IGSF9B: variants seen among roughly 807,000 people sequenced by gnomAD.
The protein encoded by IGSF9B is immunoglobulin superfamily member 9B.
IGSF9B carries 48 observed loss-of-function variants against 143.7 expected under a neutral mutation model. That is an observed-to-expected ratio of 0.33 (90% CI 0.26 to 0.42). The LOEUF is 0.42. Among genes scored for constraint, IGSF9B ranks in the 20% least tolerant of loss-of-function variants. IGSF9B has a pLI of 1.00. For synonymous variants in IGSF9B, 903 were observed against 833.1 expected, an observed-to-expected ratio of 1.08 and a Z score of -1.44; for missense variants, 1,706 against 1,980.0, an observed-to-expected ratio of 0.86 and a Z score of 2.63.
chr11:133,935,916 A>G, intron 6 of IGSF9B, 137 bp downstream of exon 6: 1 of 1,381,228 alleles, frequency 7.2e-7, no homozygotes, highest in Non-Finnish European at 9.8e-7. Flanking sequence ...TTGGCATGTG[A>G]GACACACGGA....
intron 7 of IGSF9B, among the ~76,000 whole-genome samples, chr11:133,933,291 T>C (rs1170059338): frequency 6.6e-6 from 1 of 152,020 alleles, no homozygotes; most frequent in East Asian, 1.9e-4. Flanking sequence ...CAGCTCCTTA[T>C]CCCAAAGTCT....
intron 1 of IGSF9B, among the ~76,000 whole-genome samples, chr11:133,947,944 A>G (rs971652511): frequency 6.0e-5 from 9 of 150,108 alleles, no homozygotes; most frequent in African/African-American, 2.2e-4. Flanking sequence ...CTGCTCCTTC[A>G]CCATGTCTTT....
At chr11:133,946,288 A>C in intron 1 of IGSF9B, 30 bp from the exon 2 acceptor site, 1 of 1,597,196 alleles carries the variant, frequency 6.3e-7, no homozygotes, top group Non-Finnish European at 8.6e-7. Flanking sequence ...TGGACACAGA[A>C]AGGAGGTGAC....
At chr11:133,926,888 C>A in intron 13 of IGSF9B, 28 bp downstream of exon 13, 2 of 1,548,332 alleles carry the variant, frequency 1.3e-6, no homozygotes, top group Non-Finnish European at 1.8e-6. Flanking sequence ...ACAACCCCCG[C>A]TCCCAACATC....
At position 133,906,991 on chromosome 11, in the gene IGSF9B, A is replaced by G. The variant is rs1191413035; in HGVS notation, c.*2078T>C. ...GAGGGTGTGCTACCTGGAAAAAAGA[A>G]CACAAAGAGTTGTGTGCTCTTCCAT... On this transcript the variant is annotated 3_prime_UTR_variant, in exon 20 of 20. Transcript: ENST00000533871. 1.3e-5 allele frequency among the ~76,000 whole-genome samples: 2 copies of G among 152,278 alleles called. No homozygotes were observed. The highest frequency in any genetic ancestry group is 1.9e-4 in the East Asian group (1 of 5,174).
Position 133,951,169 on chromosome 11 carries a change from C to T in IGSF9B, c.65-4911G>A, listed in dbSNP as rs184445973. The stretch of plus-strand genomic sequence containing the variant: ...AAGCACAGCGAACACCCAGAAAGGA[C>T]GAGGCGGCGGGGGAGAGACCTGGTC... On this transcript the variant is annotated intron_variant, in intron 1 of 19. Transcript: ENST00000533871. 2.0e-4 allele frequency among the ~76,000 whole-genome samples: 31 copies of T among 152,244 alleles called. No individual in the cohort carries two copies. In the East Asian group the frequency reaches 4.5e-3, roughly 22 times the overall value.
intron 4 of IGSF9B, 66 bp downstream of exon 4, chr11:133,937,744 G>A (rs1180750323): frequency 3.9e-6 from 6 of 1,545,182 alleles, no homozygotes; most frequent in Non-Finnish European, 4.4e-6. Context: ...GTCGGCTGCA[G>A]TAGGAGGCTG....
chr11:133,956,315 C>T (rs996008792), intron 1 of IGSF9B, among the ~76,000 whole-genome samples: 2 of 152,162 alleles, frequency 1.3e-5, no homozygotes, highest in Non-Finnish European at 2.9e-5. Context: ...ACCGCAAACT[C>T]CCGCAGCCAG....
Position 133,925,806 on chromosome 11 carries a change from C to G in IGSF9B, c.1967G>C (p.Arg656Pro). 1 of 1,613,894 alleles carries G rather than the reference C, an allele frequency of 6.2e-7. No individual in the cohort carries two copies. ...RYIMEFRVAE[R>P]WELLDDGIPG... is the part of the protein sequence containing the mutation. ...GATGCCATCGTCGAGCAACTCCCAG[C>G]GCTCTGCGACACGGAACTCCATGAT... The change falls in exon 14 of 20, where the codon CGC becomes CCC. Residue 656 changes from arginine to proline, a missense_variant. This residue lies in a region of IGSF9B where 267 missense variants were observed against 321.1 expected (regional missense o/e 0.83). Coordinates refer to ENST00000533871, the MANE Select transcript of IGSF9B (RefSeq NM_001277285.4).
chr11:133,927,735 C>A (rs193065654), intron 12 of IGSF9B, among the ~76,000 whole-genome samples: 124 of 152,302 alleles, frequency 8.1e-4, no homozygotes, highest in Middle Eastern at 3.4e-3. Flanking sequence ...AGGCTCCCAA[C>A]TCCCAGCAAA....
chr11:133,936,094 G>A lies in IGSF9B; in HGVS notation c.780C>T (p.Thr260=), dbSNP rs772892863. 1 of 1,613,726 alleles carries A rather than the reference G, an allele frequency of 6.2e-7. No individual in the cohort carries two copies. Among genetic ancestry groups the A allele is most frequent in the Non-Finnish European group, 8.5e-7 (1 of 1,179,770 alleles). ...CRAEAYPGNL[T]YTWYWQDENV... is the part of the protein sequence containing the mutation. ...TCTCGTCCTGCCAGTACCAGGTGTAGGTGAGGTTGCCCGGATACGCCTCTG... is the reference window on the plus strand; with the variant it reads ...TCTCGTCCTGCCAGTACCAGGTGTAAGTGAGGTTGCCCGGATACGCCTCTG... The change falls in exon 6 of 20, where the codon ACC becomes ACT. Residue 260 remains threonine, a synonymous_variant. Transcript: ENST00000533871.
rs1298113501 is a variant in IGSF9B at position 133,903,463 on chromosome 11, C to G, written c.*5606G>C. Among the ~76,000 whole-genome samples, 2 of 152,178 alleles carry G rather than the reference C, an allele frequency of 1.3e-5. No homozygotes were observed. The highest frequency in any genetic ancestry group is 2.9e-5 in the Non-Finnish European group (2 of 68,030). ...GTCTTCTACACCGCAGAAGACAACA[C>G]CCATGTGATTTTAATGACTGGCCAC... On this transcript the variant is annotated 3_prime_UTR_variant, in exon 20 of 20. Coordinates refer to ENST00000533871, the MANE Select transcript of IGSF9B (RefSeq NM_001277285.4).
chr11:133,953,754 G>A lies in IGSF9B; in HGVS notation c.64+2937C>T, dbSNP rs370347217. On this transcript the variant is annotated intron_variant, in intron 1 of 19. Coordinates refer to ENST00000533871, the MANE Select transcript of IGSF9B (RefSeq NM_001277285.4). This position sits in a 1 kb window ranked among gnomAD's most constrained non-coding sequence, Gnocchi z 4.2. ...CCAAGGTCCACAATCAGCTAAGCACGGCCCAGGGTCCTCCCACAGAGTAGG... is the reference window on the plus strand; with the variant it reads ...CCAAGGTCCACAATCAGCTAAGCACAGCCCAGGGTCCTCCCACAGAGTAGG... Among the ~76,000 whole-genome samples, 30 of 152,218 alleles carry A rather than the reference G, an allele frequency of 2.0e-4. 1 individual carries two copies. The East Asian group carries it at 4.6e-3, about 24-fold the overall frequency.
Position 133,928,318 on chromosome 11 carries a change from C to T in IGSF9B, c.1632-1227G>A, listed in dbSNP as rs1232798934. Among the ~76,000 whole-genome samples, 3 of 152,114 alleles carry T rather than the reference C, an allele frequency of 2.0e-5. No homozygotes were observed. Among genetic ancestry groups the T allele is most frequent in the African/African-American group, 7.2e-5 (3 of 41,432 alleles). ...CTGCGGGAGGAACAGAGTAAGGGGA[C>T]GGGAGGTGAGCTGCGGCAACTCCCA... On this transcript the variant is annotated intron_variant, in intron 12 of 19. Transcript: ENST00000533871. This position sits in a 1 kb window ranked among gnomAD's most constrained non-coding sequence, Gnocchi z 4.7.
Position 133,907,667 on chromosome 11 carries a change from G to C in IGSF9B, c.*1402C>G, listed in dbSNP as rs1410838545. Among the ~76,000 whole-genome samples the C allele has an allele frequency of 2.0e-5, 3 of 152,222 alleles. No homozygotes were observed. Among genetic ancestry groups the C allele is most frequent in the Admixed American group, 2.0e-4 (3 of 15,294 alleles). ...GGAAGCTTCTGGATGCTACGAGTTT[G>C]AACCAGGACCAGACTTTGGCAGAGG... On this transcript the variant is annotated 3_prime_UTR_variant, in exon 20 of 20. Transcript: ENST00000533871.
chr11:133,939,979 TACAG>T (rs1214036638), intron 3 of IGSF9B, among the ~76,000 whole-genome samples: 5 of 125,560 alleles, frequency 4.0e-5, no homozygotes, highest in South Asian at 2.8e-4. Context: ...CGTCATCACA[TACAG>T]AAACATACAC....
At chr11:133,910,494 G>A (rs2121268368) in intron 19 of IGSF9B, among the ~76,000 whole-genome samples, 2 of 152,362 alleles carry the variant, frequency 1.3e-5, no homozygotes, top group Middle Eastern at 6.8e-3. Flanking sequence ...GGCAAGGGAA[G>A]AATCTGGGAA....
rs1454255510 is a variant in IGSF9B, at chr11:133,922,778, C to T, written c.2120-48G>A. On this transcript the variant is annotated intron_variant, in intron 15 of 19. Transcript: ENST00000533871. ...TCATGAGCCCATCCTTCCCCGGGAC[C>T]TCACCTGCTCCGACCTTCAGTCCCC... is the stretch of plus-strand genomic sequence containing the variant. The T allele has an allele frequency of 2.0e-6, 3 of 1,497,882 alleles. No homozygotes were observed. In the African/African-American group the frequency reaches 4.1e-5, roughly 21 times the overall value. 92.8% of individuals were successfully genotyped at this position (1,497,882 alleles called of 1,614,324 possible). A position where few individuals can be genotyped will look rare whatever the true frequency, so the allele number is the denominator to read the frequency against.
chr11:133,919,331 A>C (rs1157081093), intron 18 of IGSF9B, among the ~76,000 whole-genome samples: 1 of 151,978 alleles, frequency 6.6e-6, no homozygotes, highest in Admixed American at 6.5e-5. Context: ...CGGGGAAGAA[A>C]AGGAGGCTAG....
Sources: gnomAD v4.1 joint callset for allele counts (sites outside exome capture counted in the v4.1 genomes callset) on GRCh38, gnomAD v4.1.1 for gene constraint, gnomAD v4.1.1 regional missense constraint, Gnocchi (gnomAD v3.1) non-coding constraint, MANE v1.5 for transcripts, NCBI Gene and HGNC (gene_info 2026-07-23, HGNC 2026-07-21) for gene names.